The following ABCA13 variants were observed in gnomAD, a reference collection of about 807,000 sequenced individuals.
The protein encoded by ABCA13 is ATP-binding cassette sub-family A member 13.
ABCA13 carries 476 observed loss-of-function variants against 478.7 expected under a neutral mutation model. The ratio of observed to expected loss-of-function variants is 0.99; its 90% CI spans 0.92 to 1.07. The LOEUF is 1.07. ABCA13 is among the 50% of genes least tolerant of loss of function. The pLI, the probability that ABCA13 is intolerant of heterozygous loss-of-function variation, is 0.00. For missense variants in ABCA13, 6,060 were observed against 5,910.6 expected (o/e 1.03, Z -0.83); for synonymous variants, 2,252 against 2,158.9 (o/e 1.04, Z -1.20).
At chr7:48,263,782 ATAG>A (rs1461578771) in intron 15 of ABCA13, among the ~76,000 whole-genome samples, 1 of 151,910 alleles carries the variant, frequency 6.6e-6, no homozygotes, top group Non-Finnish European at 1.5e-5. Context: ...TTATGGATAC[ATAG>A]TAGGCATGTA....
At chr7:48,445,992 C>A (rs1247867927) in intron 42 of ABCA13, among the ~76,000 whole-genome samples, 1 of 152,126 alleles carries the variant, frequency 6.6e-6, no homozygotes, top group South Asian at 2.1e-4. Flanking sequence ...CTCTGTCCCA[C>A]CTACAGAGTG....
intron 52 of ABCA13, among the ~76,000 whole-genome samples, chr7:48,517,813 A>G (rs1207542601): frequency 6.6e-6 from 1 of 152,046 alleles, no homozygotes; most frequent in African/African-American, 2.4e-5. Flanking sequence ...GTAGTTCCCA[A>G]ATGTTTGGCC....
chr7:48,623,596 G>A (rs948394344), intron 59 of ABCA13, among the ~76,000 whole-genome samples: 5 of 152,198 alleles, frequency 3.3e-5, no homozygotes, highest in African/African-American at 1.2e-4. Context: ...AGGCCTGACA[G>A]TGTGGGTGTT....
intron 15 of ABCA13, among the ~76,000 whole-genome samples, chr7:48,262,090 C>T (rs1321485011): frequency 6.6e-6 from 1 of 151,936 alleles, no homozygotes; most frequent in African/African-American, 2.4e-5. Context: ...TGACTGCCAG[C>T]ATTATGGAAA....
intron 15 of ABCA13, among the ~76,000 whole-genome samples, chr7:48,249,695 C>T (rs950929565): frequency 2.0e-5 from 3 of 152,170 alleles, no homozygotes; most frequent in Non-Finnish European, 4.4e-5. Flanking sequence ...TGGCCCTTCT[C>T]ACTTTACTTA....
chr7:48,313,366 A>G, intron 25 of ABCA13, 135 bp downstream of exon 25: 5 of 881,632 alleles, frequency 5.7e-6, no homozygotes, highest in Admixed American at 2.8e-5. Flanking sequence ...GTACCTTTTC[A>G]TATCTCTGGA....
At chr7:48,346,133 C>T (rs190234448) in intron 29 of ABCA13, among the ~76,000 whole-genome samples, 76 of 152,250 alleles carry the variant, frequency 5.0e-4, no homozygotes, top group Admixed American at 3.0e-3. Context: ...TGTTCACACA[C>T]GATGAAATTG....
intron 1 of ABCA13, among the ~76,000 whole-genome samples, chr7:48,180,302 T>G (rs1418611830): frequency 6.6e-6 from 1 of 152,336 alleles, no homozygotes; most frequent in East Asian, 1.9e-4. Flanking sequence ...GAGTCCCAAA[T>G]TCCAGGTGGG....
At position 48,465,784 on chromosome 7, in the gene ABCA13, A is replaced by AT. The variant is rs202010801; in HGVS notation, c.12816-1163dup. On this transcript the variant is annotated intron_variant, in intron 43 of 61. Transcript: ENST00000435803. ...GCTGTGCTATCGAACACTAGTACCT[A>AT]TTTTTTTTTATAACTGTATGTTTGT... Among the ~76,000 whole-genome samples, 341 of 150,786 alleles carry AT rather than the reference A, an allele frequency of 2.3e-3. 2 individuals are homozygous for AT. The highest frequency in any genetic ancestry group is 7.7e-3 in the African/African-American group (315 of 41,156).
chr7:48,524,179 T>C (rs537656110), intron 53 of ABCA13, 69 bp from the exon 54 acceptor site: 3 of 1,426,236 alleles, frequency 2.1e-6, no homozygotes, highest in African/African-American at 1.5e-5. Context: ...TCTCTGACCT[T>C]TTTGCCTCTT....
intron 27 of ABCA13, among the ~76,000 whole-genome samples, chr7:48,331,710 A>G (rs184261970): frequency 3.3e-4 from 50 of 152,340 alleles, no homozygotes; most frequent in African/African-American, 1.2e-3. Context: ...GTATTCTGCC[A>G]TTGATACAGT....
At chr7:48,415,928 T>G (rs909693754) in intron 41 of ABCA13, among the ~76,000 whole-genome samples, 2 of 152,096 alleles carry the variant, frequency 1.3e-5, no homozygotes, top group Non-Finnish European at 2.9e-5. Context: ...GTAATTCCCT[T>G]CCTTCCTGCC....
chr7:48,606,030 C>G (rs1017628802), intron 58 of ABCA13, among the ~76,000 whole-genome samples: 3 of 152,144 alleles, frequency 2.0e-5, no homozygotes, highest in Non-Finnish European at 4.4e-5. Flanking sequence ...GCATGCTTCA[C>G]GAAGTTCTCT....
At chr7:48,218,432 C>T (rs1325811055) in intron 3 of ABCA13, among the ~76,000 whole-genome samples, 1 of 152,120 alleles carries the variant, frequency 6.6e-6, no homozygotes, top group African/African-American at 2.4e-5. Flanking sequence ...GCCTGTAATC[C>T]CATACTTTGG....
intron 31 of ABCA13, among the ~76,000 whole-genome samples, chr7:48,358,383 G>A (rs190859495): frequency 3.9e-5 from 6 of 151,924 alleles, no homozygotes. Flanking sequence ...GATGGTAACA[G>A]TGGGGACCAG....
chr7:48,590,554 A>G (rs1789627778), intron 57 of ABCA13, among the ~76,000 whole-genome samples: 1 of 152,100 alleles, frequency 6.6e-6, no homozygotes, highest in African/African-American at 2.4e-5. Flanking sequence ...TTTGTAGAGG[A>G]ACCTCCACAC....
At chr7:48,545,836 T>TA (rs1258072371) in intron 55 of ABCA13, among the ~76,000 whole-genome samples, 2 of 151,378 alleles carry the variant, frequency 1.3e-5, no homozygotes, top group Non-Finnish European at 3.0e-5. Flanking sequence ...GTACTGCTAA[T>TA]AAAAAATATG....
intron 52 of ABCA13, among the ~76,000 whole-genome samples, chr7:48,519,038 C>T (rs529897533): frequency 6.6e-6 from 1 of 151,878 alleles, no homozygotes; most frequent in Non-Finnish European, 1.5e-5. Flanking sequence ...TTGCTCAGCT[C>T]CCACTTATAA....
In ABCA13 at chr7:48,372,347, C is replaced by A; in HGVS notation, c.10983C>A (p.Val3661=). Residue 3661 remains valine (V), a synonymous_variant, in exon 33 of 62, where the codon GTC becomes GTA. Coordinates refer to ENST00000435803, the MANE Select transcript of ABCA13 (RefSeq NM_152701.5). ...TTCTCTTGGATTTTGGGATGTCAGT[C>A]GTCATGCTGAGCTACCTCTTGAGTG... ...FLFLLDFGMS[V]VMLSYLLSAF... is the part of the protein sequence containing the mutation. 1 of 1,613,856 alleles carries A rather than the reference C, an allele frequency of 6.2e-7. No homozygotes were observed. Among genetic ancestry groups the A allele is most frequent in the Non-Finnish European group, 8.5e-7 (1 of 1,179,854 alleles).
Sources: allele counts gnomAD v4.1 joint callset (sites outside exome capture counted in the v4.1 genomes callset), GRCh38; gene constraint gnomAD v4.1.1; transcripts MANE v1.5; gene names NCBI Gene and HGNC (gene_info 2026-07-23, HGNC 2026-07-21).